The following NECTIN3 variants were observed in gnomAD, a reference collection of about 807,000 sequenced individuals.
The protein encoded by NECTIN3 is nectin-3.
In NECTIN3, 8 loss-of-function variants were observed where a neutral mutation model predicts 49.4. That is an observed-to-expected ratio of 0.16 (90% confidence interval 0.10 to 0.29). The LOEUF (loss-of-function observed/expected upper bound fraction) is 0.29, where lower values mean the gene tolerates loss of function less well. Ranked by LOEUF, NECTIN3 falls within the 10% of genes least tolerant of loss-of-function variation. The probability of loss-of-function intolerance (pLI) is 1.00; values close to 1 mark genes in which losing one functional copy is unlikely to be tolerated. For missense variants in NECTIN3, 581 were observed against 654.6 expected, an observed-to-expected ratio of 0.89 and a Z score of 1.23; for synonymous variants, 277 against 241.1, an observed-to-expected ratio of 1.15 and a Z score of -1.38.
At chr3:111,183,637 A>G (rs1380598889) in intron 7 of NECTIN3, among the ~76,000 whole-genome samples, 1 of 152,050 alleles carries the variant, frequency 6.6e-6, no homozygotes, top group African/African-American at 2.4e-5. Context: ...TTTATGGGAT[A>G]TAGAATTCTA....
At chr3:111,148,761 T>C (rs1000614299) in intron 7 of NECTIN3, among the ~76,000 whole-genome samples, 3 of 152,120 alleles carry the variant, frequency 2.0e-5, no homozygotes, top group Non-Finnish European at 2.9e-5. Context: ...TGCTTCTTAG[T>C]TTTTTAGGAA....
intron 7 of NECTIN3, among the ~76,000 whole-genome samples, chr3:111,162,788 A>G (rs1219015839): frequency 6.6e-6 from 1 of 152,176 alleles, no homozygotes; most frequent in African/African-American, 2.4e-5. Context: ...GCCTCCTTGA[A>G]AGCCATCAAG....
intron 7 of NECTIN3, among the ~76,000 whole-genome samples, chr3:111,176,605 C>T (rs923564845): frequency 2.6e-5 from 4 of 151,984 alleles, no homozygotes; most frequent in Non-Finnish European, 5.9e-5. Flanking sequence ...TTGTATTTTA[C>T]CTTCTTAACC....
rs755535569 is a variant in NECTIN3 at position 111,193,199 on chromosome 3, G to A, written c.63+786G>A. The A allele has an allele frequency of 2.0e-5, 30 of 1,534,660 alleles. 1 individual carries two copies. In the South Asian group the frequency reaches 3.6e-4, roughly 18 times the overall value. On this transcript the variant is annotated intron_variant, in intron 1 of 1. Transcript: ENST00000485506. ...AATGTAAGCAATGTTTGAATTTTTA[G>A]AATGGACTAAATAGCAGGAGTTTTG... is the stretch of plus-strand genomic sequence containing the variant.
At chr3:111,077,057 C>G (rs989154742) in intron 1 of NECTIN3, 6 of 170,264 alleles carry the variant, frequency 3.5e-5, no homozygotes, top group African/African-American at 1.4e-4. Context: ...TATAATGTAA[C>G]TTATCAATTA....
intron 1 of NECTIN3, among the ~76,000 whole-genome samples, chr3:111,083,191 C>T (rs542611125): frequency 1.3e-5 from 2 of 152,094 alleles, no homozygotes; most frequent in Non-Finnish European, 2.9e-5. Flanking sequence ...ATTAAGAAAT[C>T]ATGGGATAGT....
chr3:111,071,857 C>T lies in NECTIN3; in HGVS notation c.-161C>T. 6.9e-6 allele frequency: 3 copies of T among 432,504 alleles called. No individual in the cohort carries two copies. The highest frequency in any genetic ancestry group is 1.1e-5 in the Non-Finnish European group (3 of 262,448). The allele number at this position is 432,504 out of a possible 1,614,324, so 26.8% of individuals were successfully genotyped here. The stretch of plus-strand genomic sequence containing the variant: ...TCGGCGACGGCGGTGTCGAGGCAGC[C>T]GCCAGCGTTCGGCCAAGTGTCAGCC... On this transcript the variant is annotated 5_prime_UTR_variant, in exon 1 of 6. Transcript: ENST00000485303.
intron 7 of NECTIN3, among the ~76,000 whole-genome samples, chr3:111,179,196 C>T (rs79912335): frequency 0.012 from 1,813 of 152,254 alleles, 42 homozygotes; most frequent in African/African-American, 0.041. Flanking sequence ...ATGCTAGAAC[C>T]TCTCCTCCAG....
At position 111,134,810 on chromosome 3, in the gene NECTIN3, AATT is replaced by A. The variant is rs2034521165; in HGVS notation, c.*597_*599del. On this transcript the variant is annotated 3_prime_UTR_variant, in exon 6 of 6. Transcript: ENST00000485303. ...TCTGCATATTAATGAGCCTTGCCAT[AATT>A]ACTGTAGAGTGGCTTTTCAAAGATA... 1 of 981,338 alleles carries A rather than the reference AATT, an allele frequency of 1.0e-6. No individual in the cohort carries two copies. The allele number at this position is 981,338 out of a possible 1,614,324, so 60.8% of individuals were successfully genotyped here.
At chr3:111,107,849 C>G (rs2033253265) in intron 1 of NECTIN3, among the ~76,000 whole-genome samples, 1 of 152,082 alleles carries the variant, frequency 6.6e-6, no homozygotes, top group African/African-American at 2.4e-5. Context: ...TGGTTTTTAA[C>G]ATTTGGATTT....
At chr3:111,074,129 A>G (rs1016885922) in intron 1 of NECTIN3, 18 of 441,354 alleles carry the variant, frequency 4.1e-5, no homozygotes, top group Non-Finnish European at 1.8e-5. Context: ...TAACACCCTA[A>G]TTTGTGAACC....
chr3:111,176,469 G>A (rs1340025716), intron 7 of NECTIN3, among the ~76,000 whole-genome samples: 1 of 152,046 alleles, frequency 6.6e-6, no homozygotes, highest in Non-Finnish European at 1.5e-5. Context: ...CTTTGTGGGG[G>A]GAAATGCCAA....
At chr3:111,156,094 T>A (rs1184759969) in intron 7 of NECTIN3, among the ~76,000 whole-genome samples, 1 of 152,200 alleles carries the variant, frequency 6.6e-6, no homozygotes, top group Admixed American at 6.5e-5. Flanking sequence ...ATCATGGTGT[T>A]ATATTAACTC....
At chr3:111,074,639 A>G (rs758829937) in intron 1 of NECTIN3, among the ~76,000 whole-genome samples, 1 of 152,028 alleles carries the variant, frequency 6.6e-6, no homozygotes, top group Non-Finnish European at 1.5e-5. Flanking sequence ...GGGGGTGTGC[A>G]TTATCTTATT....
chr3:111,098,529 A>G (rs1197291402), intron 1 of NECTIN3, among the ~76,000 whole-genome samples: 1 of 152,026 alleles, frequency 6.6e-6, no homozygotes, highest in Admixed American at 6.5e-5. Context: ...TGGCCTTCTC[A>G]TCTCTCTGAC....
chr3:111,130,366 G>A (rs542343297), intron 5 of NECTIN3, among the ~76,000 whole-genome samples: 1 of 151,546 alleles, frequency 6.6e-6, no homozygotes, highest in East Asian at 2.0e-4. Flanking sequence ...ACAACTGCTT[G>A]GAGTATGTCA....
At chr3:111,096,165 T>C (rs897407172) in intron 1 of NECTIN3, among the ~76,000 whole-genome samples, 1 of 152,194 alleles carries the variant, frequency 6.6e-6, no homozygotes, top group African/African-American at 2.4e-5. Context: ...CAGATGGCGA[T>C]GAGGAACCTG....
At chr3:111,082,397 A>G (rs1207231734) in intron 1 of NECTIN3, among the ~76,000 whole-genome samples, 1 of 152,104 alleles carries the variant, frequency 6.6e-6, no homozygotes, top group Non-Finnish European at 1.5e-5. Context: ...AGAGAGTGAG[A>G]AGAAAAAAGT....
intron 7 of NECTIN3, chr3:111,147,593 T>A (rs1377750280): frequency 2.1e-6 from 2 of 935,268 alleles, no homozygotes; most frequent in African/African-American, 3.4e-5. Flanking sequence ...GCATTAAGTG[T>A]TGTTTAGTCA....
Sources: gnomAD v4.1 joint callset for allele counts (sites outside exome capture counted in the v4.1 genomes callset) on GRCh38, gnomAD v4.1.1 for gene constraint, MANE v1.5 for transcripts, NCBI Gene and HGNC (gene_info 2026-07-23, HGNC 2026-07-21) for gene names.